The following NMNAT3 variants were observed in gnomAD, a reference collection of about 807,000 sequenced individuals.
NMNAT3 encodes nicotinamide/nicotinic acid mononucleotide adenylyltransferase 3.
Under a neutral mutation model 24.8 loss-of-function variants are expected in NMNAT3, and 21 were observed. The ratio of observed to expected loss-of-function variants is 0.85; its 90% confidence interval spans 0.60 to 1.22. NMNAT3 has a LOEUF of 1.22. NMNAT3 is among the 50% of genes most tolerant of loss of function. The pLI is 0.00. For missense variants in NMNAT3, 387 were observed against 436.6 expected (o/e 0.89, Z 1.01); for synonymous variants, 136 against 155.2 (o/e 0.88, Z 0.92).
At chr3:139,583,296 T>C in intron 3 of NMNAT3, 3 of 1,312,470 alleles carry the variant, frequency 2.3e-6, no homozygotes, top group Non-Finnish European at 3.3e-6. Context: ...TCTGTTTCAT[T>C]TGGATGTTTA....
intron 3 of NMNAT3, chr3:139,584,222 G>A (rs2053815076): frequency 1.3e-5 from 2 of 153,632 alleles, no homozygotes; most frequent in South Asian, 4.1e-4. Context: ...GAACTTGTTT[G>A]GAGGTTCTAG....
intron 1 of NMNAT3, among the ~76,000 whole-genome samples, chr3:139,661,255 T>A (rs185382834): frequency 2.0e-3 from 298 of 152,304 alleles, no homozygotes; most frequent in African/African-American, 6.8e-3. Context: ...TTCCCAAGAT[T>A]TGCCTTACCA....
At chr3:139,569,945 G>T (rs528622893) in intron 6 of NMNAT3, 1 of 152,180 alleles carries the variant, frequency 6.6e-6, no homozygotes, top group Non-Finnish European at 1.5e-5. Context: ...TGTTTTCCAA[G>T]TTGGTTCCAT....
At chr3:139,653,774 TTC>T (rs1398479056) in intron 1 of NMNAT3, among the ~76,000 whole-genome samples, 2 of 152,206 alleles carry the variant, frequency 1.3e-5, no homozygotes, top group Non-Finnish European at 1.5e-5. Context: ...TGCCTAGACT[TTC>T]TTCCCCTACT....
At chr3:139,636,394 C>A (rs1397555877) in intron 2 of NMNAT3, 1 of 151,850 alleles carries the variant, frequency 6.6e-6, no homozygotes, top group Non-Finnish European at 1.5e-5. Flanking sequence ...GAGGAAAAAC[C>A]CTTACTCAGG....
intron 1 of NMNAT3, among the ~76,000 whole-genome samples, chr3:139,658,776 T>C (rs1319492523): frequency 6.6e-6 from 1 of 152,256 alleles, no homozygotes; most frequent in African/African-American, 2.4e-5. Flanking sequence ...GCATTTTTTT[T>C]CGTTTCTTTG....
At chr3:139,634,499 C>T (rs888869963) in intron 2 of NMNAT3, 112 bp downstream of exon 3, 2 of 152,158 alleles carry the variant, frequency 1.3e-5, no homozygotes, top group Non-Finnish European at 2.9e-5. Context: ...TCTGTGTGAG[C>T]GTGTCGACTT....
rs116670789 is a variant in NMNAT3, at chr3:139,674,415, C to G, written c.-141+3290G>C. Reference sequence around the variant, plus strand: ...GGAGCTGCCATCCTGAGGCCTGCCCCGCAAAATGGGATCTGTCCATCTTTA... The same window carrying G: ...GGAGCTGCCATCCTGAGGCCTGCCCGGCAAAATGGGATCTGTCCATCTTTA... On this transcript the variant is annotated intron_variant, in intron 1 of 6. Coordinates refer to ENST00000643695, the MANE Select transcript of NMNAT3 (RefSeq NM_001320510.2). Among the ~76,000 whole-genome samples, 1,183 of 152,142 alleles carry G rather than the reference C, an allele frequency of 7.8e-3. 7 individuals are homozygous for G. The highest frequency in any genetic ancestry group is 0.012 in the Non-Finnish European group (834 of 68,008).
Position 139,573,631 on chromosome 3 carries a change from C to T in NMNAT3, c.625G>A (p.Asp209Asn), listed in dbSNP as rs374525437. 1.2e-6 allele frequency: 2 copies of T among 1,606,136 alleles called. No individual in the cohort carries two copies. Among genetic ancestry groups the T allele is most frequent in the African/African-American group, 2.7e-5 (2 of 74,642 alleles). The change falls in exon 6 of 7, where the codon GAC becomes AAC. Residue 209 changes from aspartate (D) to asparagine (N), a missense_variant. Physicochemically the swap from Asp to Asn is conservative, Grantham distance 23 (BLOSUM62 1). Around this residue, in one of 3 missense-constraint regions of NMNAT3, gnomAD observed 323 missense variants for 345.2 expected, o/e 0.94. Coordinates refer to ENST00000643695, the MANE Select transcript of NMNAT3 (RefSeq NM_001320510.2). ...GTCGAGAAGAGTGCCTTGCCATGGT[C>T]TGGGCCTTCCATCTGGGGTGGAGAT...
chr3:139,612,885 A>T (rs1336052080), intron 3 of NMNAT3, among the ~76,000 whole-genome samples: 1 of 152,226 alleles, frequency 6.6e-6, no homozygotes, highest in Non-Finnish European at 1.5e-5. Context: ...AAATGGGGAA[A>T]GGATTCCCTA....
At chr3:139,658,703 C>G (rs1174027253) in intron 1 of NMNAT3, among the ~76,000 whole-genome samples, 1 of 152,190 alleles carries the variant, frequency 6.6e-6, no homozygotes, top group African/African-American at 2.4e-5. Context: ...TCGCAGACAG[C>G]AGCATACTTA....
chr3:139,602,525 AT>A (rs1175470733), intron 3 of NMNAT3, among the ~76,000 whole-genome samples: 1 of 152,222 alleles, frequency 6.6e-6, no homozygotes, highest in Non-Finnish European at 1.5e-5. Context: ...AAAAATGCAA[AT>A]TCCAGATTGT....
intron 3 of NMNAT3, among the ~76,000 whole-genome samples, chr3:139,609,064 G>A (rs533499828): frequency 1.3e-5 from 2 of 152,284 alleles, no homozygotes; most frequent in South Asian, 2.1e-4. Flanking sequence ...GTTGTTGCAC[G>A]AATGATTTGT....
chr3:139,613,107 T>C (rs941737131), intron 3 of NMNAT3, among the ~76,000 whole-genome samples: 2 of 151,970 alleles, frequency 1.3e-5, no homozygotes, highest in African/African-American at 4.8e-5. Flanking sequence ...CCAAAAGCAA[T>C]GGCAACAAAA....
chr3:139,605,432 A>C (rs1324518318), intron 3 of NMNAT3, among the ~76,000 whole-genome samples: 2 of 152,118 alleles, frequency 1.3e-5, no homozygotes, highest in African/African-American at 4.8e-5. Flanking sequence ...TGGGGCCAAA[A>C]CCGCTTTTGA....
At chr3:139,587,281 G>C (rs1332740528) in intron 3 of NMNAT3, among the ~76,000 whole-genome samples, 1 of 152,192 alleles carries the variant, frequency 6.6e-6, no homozygotes, top group African/African-American at 2.4e-5. Flanking sequence ...TGGGCTACTA[G>C]CGGGTAGATA....
intron 2 of NMNAT3, among the ~76,000 whole-genome samples, chr3:139,628,858 A>C (rs980261216): frequency 6.6e-6 from 1 of 152,202 alleles, no homozygotes; most frequent in Non-Finnish European, 1.5e-5. Context: ...TTACATATGG[A>C]AAGTGCCTGA....
At chr3:139,639,105 C>CT (rs2056609188) in intron 1 of NMNAT3, among the ~76,000 whole-genome samples, 1 of 152,338 alleles carries the variant, frequency 6.6e-6, no homozygotes, top group Non-Finnish European at 1.5e-5. Context: ...TTAGAACTTT[C>CT]TCTCTTACAT....
intron 1 of NMNAT3, among the ~76,000 whole-genome samples, chr3:139,673,903 G>A (rs1260382820): frequency 6.6e-6 from 1 of 152,064 alleles, no homozygotes; most frequent in African/African-American, 2.4e-5. Context: ...ATTCAGCGTG[G>A]CCAGAGAAGG....
Sources: gnomAD v4.1 joint callset for allele counts (sites outside exome capture counted in the v4.1 genomes callset) on GRCh38, gnomAD v4.1.1 for gene constraint, gnomAD v4.1.1 regional missense constraint, MANE v1.5 for transcripts, NCBI Gene and HGNC (gene_info 2026-07-23, HGNC 2026-07-21) for gene names.